PTPN5: variants seen among roughly 807,000 people sequenced by gnomAD.
The protein encoded by PTPN5 is protein tyrosine phosphatase non-receptor type 5.
In PTPN5, 29 loss-of-function variants were observed where a neutral mutation model predicts 73.9. The observed-to-expected ratio is 0.39, with a 90% CI of 0.29 to 0.54. The LOEUF is 0.54. Among genes scored for constraint, PTPN5 ranks in the 20% least tolerant of loss-of-function variants. The probability of loss-of-function intolerance (pLI) is 0.65; values close to 1 mark genes in which losing one functional copy is unlikely to be tolerated. For synonymous variants in PTPN5, 267 were observed against 304.7 expected (o/e 0.88, Z 1.29); for missense variants, 652 against 751.4 (o/e 0.87, Z 1.55).
rs368634347 is a variant in PTPN5 at position 18,747,769 on chromosome 11, T to G, written c.98-3570A>C. Among the ~76,000 whole-genome samples the G allele has an allele frequency of 2.4e-3, 362 of 152,328 alleles. 1 individual carries two copies. The highest frequency in any genetic ancestry group is 4.3e-3 in the Non-Finnish European group (295 of 68,030). On this transcript the variant is annotated intron_variant, in intron 3 of 14. Coordinates refer to ENST00000358540, the MANE Select transcript of PTPN5 (RefSeq NM_006906.2). ...AGGTTACAAAACAGTATAATCTCACTGACCTTAAAAATTAAGAAAGTACAA... is the reference window on the plus strand; with the variant it reads ...AGGTTACAAAACAGTATAATCTCACGGACCTTAAAAATTAAGAAAGTACAA...
At chr11:18,762,276 C>T (rs767407485) in intron 3 of PTPN5, among the ~76,000 whole-genome samples, 9 of 152,160 alleles carry the variant, frequency 5.9e-5, no homozygotes, top group Non-Finnish European at 1.3e-4. Context: ...CTCACTCTGC[C>T]TCGCCTCTGG....
At chr11:18,749,424 C>G (rs749303547) in intron 3 of PTPN5, 1 of 513,672 alleles carries the variant, frequency 1.9e-6, no homozygotes, top group South Asian at 1.4e-5. Context: ...TTTGCCATGC[C>G]GCTTCTCAGT....
At chr11:18,769,738 T>TG (rs1273533134) in intron 2 of PTPN5, among the ~76,000 whole-genome samples, 1 of 151,922 alleles carries the variant, frequency 6.6e-6, no homozygotes, top group Non-Finnish European at 1.5e-5. Flanking sequence ...TTTAGGTGAA[T>TG]GGGGGGTTGG....
intron 1 of PTPN5, among the ~76,000 whole-genome samples, chr11:18,782,120 CAG>C (rs1491272179): frequency 1.3e-5 from 2 of 152,222 alleles, no homozygotes; most frequent in East Asian, 3.8e-4. Context: ...CATTTTTTCT[CAG>C]GGGGACAGAG....
Position 18,729,575 on chromosome 11 carries a change from C to G in PTPN5, c.1491-9G>C, listed in dbSNP as rs1336863862. 6.3e-7 allele frequency: 1 copy of G among 1,578,028 alleles called. No individual in the cohort carries two copies. Among genetic ancestry groups the G allele is most frequent in the Non-Finnish European group, 8.6e-7 (1 of 1,159,290 alleles). On this transcript the variant is annotated splice_polypyrimidine_tract_variant and intron_variant, in intron 13 of 14. Coordinates refer to ENST00000358540, the MANE Select transcript of PTPN5 (RefSeq NM_006906.2). This position sits in a 1 kb window ranked among gnomAD's most constrained non-coding sequence, Gnocchi z 5.2. ...TCCTCCCAATCCCTGCACTGAGGGC[C>G]GAGGGGACCGGTGGGGTGAGGGGCA...
At chr11:18,786,946 C>T (rs1851700392) in intron 1 of PTPN5, among the ~76,000 whole-genome samples, 2 of 152,244 alleles carry the variant, frequency 1.3e-5, no homozygotes, top group South Asian at 4.1e-4. Context: ...TCCTTAAAAC[C>T]TCTATGAAGG....
intron 1 of PTPN5, among the ~76,000 whole-genome samples, chr11:18,781,738 C>T (rs955893802): frequency 1.3e-5 from 2 of 152,084 alleles, no homozygotes; most frequent in African/African-American, 4.8e-5. Flanking sequence ...TGTACTGAGC[C>T]TTGGGGGACA....
intron 2 of PTPN5, among the ~76,000 whole-genome samples, chr11:18,767,475 T>C (rs1212440632): frequency 6.6e-6 from 1 of 152,210 alleles, no homozygotes; most frequent in Non-Finnish European, 1.5e-5. Flanking sequence ...CTCCCCATCT[T>C]GGTCCCAGCC....
intron 12 of PTPN5, among the ~76,000 whole-genome samples, chr11:18,732,206 G>A (rs142396824): frequency 5.9e-5 from 9 of 152,342 alleles, no homozygotes; most frequent in African/African-American, 2.2e-4. Flanking sequence ...GTGAAGAGAT[G>A]TTTCTAAGGA....
At chr11:18,781,864 CA>C (rs1233205037) in intron 1 of PTPN5, among the ~76,000 whole-genome samples, 3 of 151,970 alleles carry the variant, frequency 2.0e-5, no homozygotes, top group Non-Finnish European at 2.9e-5. Flanking sequence ...CAGGAGGGCA[CA>C]AAAACAGAGT....
intron 9 of PTPN5, among the ~76,000 whole-genome samples, chr11:18,734,219 G>T (rs189292070): frequency 6.6e-6 from 1 of 152,204 alleles, no homozygotes; most frequent in Admixed American, 6.5e-5. Flanking sequence ...GTTGACGGAG[G>T]CTATTAACAT....
chr11:18,729,237 A>C lies in PTPN5; in HGVS notation c.1605-210T>G, dbSNP rs1848761029. On this transcript the variant is annotated intron_variant, in intron 14 of 14. Transcript: ENST00000358540. The surrounding 1 kb of genome is among the most constrained non-coding windows in gnomAD (Gnocchi z 5.2). ...ACTTTCGGCCTCTGTCCTTTTATCC[A>C]CCAGCTCTGCTTTTCTTCCCTCTTC... 6.6e-6 allele frequency among the ~76,000 whole-genome samples: 1 copy of C among 151,628 alleles called. No individual in the cohort carries two copies. The highest frequency in any genetic ancestry group is 1.5e-5 in the Non-Finnish European group (1 of 67,884).
chr11:18,728,962 T>C lies in PTPN5; in HGVS notation c.1670A>G (p.Lys557Arg). Residue 557 changes from lysine (K) to arginine (R), a missense_variant, in exon 15 of 15, where the codon AAG becomes AGG. Around this residue, in one of 3 missense-constraint regions of PTPN5, gnomAD observed 21 missense variants for 16.9 expected, o/e 1.24. Transcript: ENST00000358540. The surrounding 1 kb of genome is among the most constrained non-coding windows in gnomAD (Gnocchi z 4.1). ...FVHHVMSLYE[K>R]QLSHQSPE Reference sequence around the variant, plus strand: ...TTCTGGGGACTGGTGGGACAGCTGCTTTTCGTAGAGGCTCATGACGTGGTG... The same window carrying C: ...TTCTGGGGACTGGTGGGACAGCTGCCTTTCGTAGAGGCTCATGACGTGGTG... The C allele has an allele frequency of 6.2e-7, 1 of 1,613,460 alleles. No individual in the cohort carries two copies. Among genetic ancestry groups the C allele is most frequent in the Non-Finnish European group, 8.5e-7 (1 of 1,179,740 alleles).
chr11:18,770,016 T>C lies in PTPN5; in HGVS notation c.20+1923A>G, dbSNP rs117748724. On this transcript the variant is annotated intron_variant, in intron 2 of 14. Transcript: ENST00000358540. The stretch of plus-strand genomic sequence containing the variant: ...AGAGTGATGCTGGCTCTCTCACACC[T>C]GGTCTGGCTGGGTAGGTCTGTAACA... Among the ~76,000 whole-genome samples the C allele has an allele frequency of 6.0e-3, 909 of 152,242 alleles. 25 individuals are homozygous for C. Among genetic ancestry groups the C allele is most frequent in the Admixed American group, 0.044 (677 of 15,284 alleles).
intron 12 of PTPN5, among the ~76,000 whole-genome samples, chr11:18,732,315 G>C (rs1426844833): frequency 1.3e-5 from 2 of 152,200 alleles, no homozygotes; most frequent in African/African-American, 4.8e-5. Flanking sequence ...TACATTTGAA[G>C]CATAGCTAGA....
rs1851719606 is a variant in PTPN5 at position 18,787,384 on chromosome 11, T to C, written c.-114+4141A>G. The stretch of plus-strand genomic sequence containing the variant: ...TTTACTGTGAAGGGCCAGGCTTGGT[T>C]TGCTAGGCACAAAGAATATAAGGTG... On this transcript the variant is annotated intron_variant, in intron 1 of 14. Transcript: ENST00000358540. 2.6e-5 allele frequency among the ~76,000 whole-genome samples: 4 copies of C among 152,258 alleles called. No individual in the cohort carries two copies. In the South Asian group the frequency reaches 6.2e-4, roughly 24 times the overall value.
At chr11:18,778,772 A>G (rs1851286456) in intron 1 of PTPN5, among the ~76,000 whole-genome samples, 1 of 152,168 alleles carries the variant, frequency 6.6e-6, no homozygotes, top group Non-Finnish European at 1.5e-5. Context: ...TAAATTACTC[A>G]GTCTCTTGCA....
chr11:18,740,678 G>A lies in PTPN5; in HGVS notation c.840C>T (p.Ser280=), dbSNP rs188756789. Residue 280 remains serine, a synonymous_variant, in exon 8 of 15, where the codon AGC becomes AGT. Transcript: ENST00000358540. ...CTTCTGCTTGGAGGACACGGGAGGC[G>A]CTGAGCAGGTACTCGCGGGCGGACT... ...REESAREYLL[S]ASRVLQAEEL... is the part of the protein sequence containing the mutation. 67 of 1,607,768 alleles carry A rather than the reference G, an allele frequency of 4.2e-5. No homozygotes were observed. The highest frequency in any genetic ancestry group is 4.8e-5 in the Non-Finnish European group (56 of 1,176,828).
intron 1 of PTPN5, among the ~76,000 whole-genome samples, chr11:18,789,664 G>A (rs1409062365): frequency 6.6e-6 from 1 of 152,164 alleles, no homozygotes; most frequent in Non-Finnish European, 1.5e-5. Context: ...TGGAACTGGA[G>A]ACTATGATTC....
Sources: gnomAD v4.1 joint callset for allele counts (sites outside exome capture counted in the v4.1 genomes callset) on GRCh38, gnomAD v4.1.1 for gene constraint, gnomAD v4.1.1 regional missense constraint, Gnocchi (gnomAD v3.1) non-coding constraint, MANE v1.5 for transcripts, NCBI Gene and HGNC (gene_info 2026-07-23, HGNC 2026-07-21) for gene names.